DDAH1: variants seen among roughly 807,000 people sequenced by gnomAD.
The protein encoded by DDAH1 is dimethylarginine dimethylaminohydrolase 1.
Under a neutral mutation model 28.8 loss-of-function variants are expected in DDAH1, and 19 were observed. The observed-to-expected ratio is 0.66, with a 90% CI of 0.46 to 0.97. The LOEUF is 0.97. Among genes scored for constraint, DDAH1 ranks in the 50% least tolerant of loss-of-function variants. The pLI is 0.00. For missense variants in DDAH1, 326 were observed against 375.9 expected, an observed-to-expected ratio of 0.87 and a Z score of 1.10; for synonymous variants, 153 against 154.4, an observed-to-expected ratio of 0.99 and a Z score of 0.07.
At chr1:85,458,114 T>C (rs748354883) in intron 1 of DDAH1, among the ~76,000 whole-genome samples, 1 of 152,246 alleles carries the variant, frequency 6.6e-6, no homozygotes, top group Non-Finnish European at 1.5e-5. Context: ...CAAAAGCAGC[T>C]TAAATGATAT....
Position 85,321,339 on chromosome 1 carries a change from A to G in DDAH1, c.*113T>C. The stretch of plus-strand genomic sequence containing the variant: ...AACTTAGAATCAAATTTTGTAAACA[A>G]GAGTTAGTAGCACAGTGGCACAGTA... On this transcript the variant is annotated 3_prime_UTR_variant, in exon 6 of 6. Transcript: ENST00000284031. 1.4e-6 allele frequency: 1 copy of G among 705,906 alleles called. No individual in the cohort carries two copies. The highest frequency in any genetic ancestry group is 2.5e-5 in the East Asian group (1 of 40,252). The allele number at this position is 705,906 out of a possible 1,614,324, so 43.7% of individuals were successfully genotyped here.
intron 1 of DDAH1, among the ~76,000 whole-genome samples, chr1:85,502,320 C>T (rs1656848835): frequency 6.6e-6 from 1 of 152,204 alleles, no homozygotes; most frequent in Non-Finnish European, 1.5e-5. Context: ...TTGCTGACTA[C>T]ACCCCACGCA....
chr1:85,331,423 G>GTATATGTATATATATA (rs1647756459), intron 4 of DDAH1, among the ~76,000 whole-genome samples: 1 of 148,506 alleles, frequency 6.7e-6, no homozygotes, highest in South Asian at 2.1e-4. Context: ...ATTCATATAT[G>GTATATGTATATATATA]TATATATATA....
At chr1:85,377,530 T>G (rs2100900688) in intron 1 of DDAH1, among the ~76,000 whole-genome samples, 1 of 152,256 alleles carries the variant, frequency 6.6e-6, no homozygotes, top group East Asian at 1.9e-4. Context: ...TACTCTGATA[T>G]TAGGCAGGCA....
At chr1:85,481,098 G>GGTTTTTTTTTT (rs1442100920) in intron 2 of DDAH1, among the ~76,000 whole-genome samples, 4 of 113,458 alleles carry the variant, frequency 3.5e-5, no homozygotes, top group Non-Finnish European at 5.5e-5. Flanking sequence ...TGGGTTTTTT[G>GGTTTTTTTTTT]TTTTTTTTTT....
At position 85,347,166 on chromosome 1, in the gene DDAH1, T is replaced by C. The variant is rs527382726; in HGVS notation, c.597+3249A>G. 6.3e-3 allele frequency among the ~76,000 whole-genome samples: 963 copies of C among 152,346 alleles called. 5 individuals carry two copies. Among genetic ancestry groups the C allele is most frequent in the Non-Finnish European group, 0.011 (720 of 68,016 alleles). On this transcript the variant is annotated intron_variant, in intron 4 of 5. Coordinates refer to ENST00000284031, the MANE Select transcript of DDAH1 (RefSeq NM_012137.4). ...AATAGGAACACTTTTACACTGTTGG[T>C]GGGACTGTCAACTAGTTCAACCATT...
intron 2 of DDAH1, among the ~76,000 whole-genome samples, chr1:85,475,571 T>C (rs146720509): frequency 1.4e-3 from 219 of 152,310 alleles, no homozygotes; most frequent in African/African-American, 4.6e-3. Flanking sequence ...TCAGGTTACT[T>C]AATTCAATAT....
intron 2 of DDAH1, among the ~76,000 whole-genome samples, chr1:85,479,368 T>C (rs1472820577): frequency 6.7e-6 from 1 of 149,628 alleles, no homozygotes; most frequent in African/African-American, 2.5e-5. Flanking sequence ...AGAGACGGGG[T>C]TTCACCGTGT....
At chr1:85,470,805 C>T (rs972167683) in intron 2 of DDAH1, among the ~76,000 whole-genome samples, 1 of 152,160 alleles carries the variant, frequency 6.6e-6, no homozygotes, top group Non-Finnish European at 1.5e-5. Context: ...GCCTCCTAAT[C>T]TCAGTTTCTC....
At chr1:85,384,809 T>C (rs1433709392) in intron 1 of DDAH1, among the ~76,000 whole-genome samples, 1 of 152,234 alleles carries the variant, frequency 6.6e-6, no homozygotes, top group Non-Finnish European at 1.5e-5. Flanking sequence ...TAGAAATTGC[T>C]TCTTTAAGAA....
At chr1:85,400,801 C>T (rs988101002) in intron 1 of DDAH1, among the ~76,000 whole-genome samples, 1 of 152,174 alleles carries the variant, frequency 6.6e-6, no homozygotes, top group Non-Finnish European at 1.5e-5. Context: ...TGTGACCCAT[C>T]TGTAACAGTG....
At chr1:85,351,323 C>A (rs1383051607) in intron 3 of DDAH1, among the ~76,000 whole-genome samples, 183 bp downstream of exon 3, 1 of 152,128 alleles carries the variant, frequency 6.6e-6, no homozygotes, top group Admixed American at 6.5e-5. Context: ...CCCAGTGAAG[C>A]TGAATTATTG....
chr1:85,443,901 A>G (rs951639906), intron 1 of DDAH1, among the ~76,000 whole-genome samples: 2 of 152,190 alleles, frequency 1.3e-5, no homozygotes, highest in African/African-American at 4.8e-5. Flanking sequence ...CTATCAGCTT[A>G]AGGAGATTTT....
At chr1:85,413,717 A>C (rs1178105647) in intron 1 of DDAH1, among the ~76,000 whole-genome samples, 2 of 152,254 alleles carry the variant, frequency 1.3e-5, no homozygotes, top group Non-Finnish European at 2.9e-5. Context: ...TCCGAAAAAC[A>C]ATCGAAGTCA....
At chr1:85,537,024 A>G (rs1658310990) in intron 1 of DDAH1, among the ~76,000 whole-genome samples, 1 of 149,594 alleles carries the variant, frequency 6.7e-6, no homozygotes, top group Non-Finnish European at 1.5e-5. Context: ...ATATATATAT[A>G]CACAGTGGAA....
intron 1 of DDAH1, chr1:85,521,593 A>G (rs1657691118): frequency 2.0e-6 from 2 of 977,256 alleles, no homozygotes; most frequent in Non-Finnish European, 2.4e-6. Flanking sequence ...ACTAATAATA[A>G]AACCCCAAAG....
chr1:85,323,619 TTTC>T (rs1661442752), intron 5 of DDAH1, among the ~76,000 whole-genome samples: 1 of 152,088 alleles, frequency 6.6e-6, no homozygotes, highest in Non-Finnish European at 1.5e-5. Context: ...GCACGGGCAG[TTTC>T]TTCTTTCTGC....
intron 4 of DDAH1, among the ~76,000 whole-genome samples, chr1:85,347,294 C>T (rs1648913325): frequency 6.6e-6 from 1 of 152,188 alleles, no homozygotes; most frequent in Admixed American, 6.5e-5. Flanking sequence ...ATAAATCATG[C>T]TGCTATAAAG....
At chr1:85,541,969 T>C (rs1658483421) in intron 1 of DDAH1, among the ~76,000 whole-genome samples, 1 of 152,246 alleles carries the variant, frequency 6.6e-6, no homozygotes, top group Non-Finnish European at 1.5e-5. Flanking sequence ...GCACTCAGTC[T>C]ATGATATTTT....
Sources: gnomAD v4.1 joint callset for allele counts (sites outside exome capture counted in the v4.1 genomes callset) on GRCh38, gnomAD v4.1.1 for gene constraint, MANE v1.5 for transcripts, NCBI Gene and HGNC (gene_info 2026-07-23, HGNC 2026-07-21) for gene names.